The following TIAM2 variants were observed in gnomAD, a reference collection of about 807,000 sequenced individuals.
The protein encoded by TIAM2 is rho guanine nucleotide exchange factor TIAM2.
TIAM2 carries 80 observed loss-of-function variants against 152.9 expected under a neutral mutation model. That is an observed-to-expected ratio of 0.52 (90% CI 0.44 to 0.63). TIAM2 has a LOEUF of 0.63. Ranked by LOEUF, TIAM2 falls within the 30% of genes least tolerant of loss-of-function variation. The pLI is 0.00. For missense variants in TIAM2, 1,965 were observed against 2,120.1 expected, an observed-to-expected ratio of 0.93 and a Z score of 1.44; for synonymous variants, 804 against 838.0, an observed-to-expected ratio of 0.96 and a Z score of 0.70.
At chr6:155,089,473 C>T (rs1336731421) in intron 1 of TIAM2, among the ~76,000 whole-genome samples, 4 of 152,150 alleles carry the variant, frequency 2.6e-5, no homozygotes, top group Non-Finnish European at 5.9e-5. Context: ...TCCCAAAGTG[C>T]TGGGATTATA....
intron 7 of TIAM2, among the ~76,000 whole-genome samples, chr6:155,160,564 T>C (rs1432686190): frequency 6.6e-6 from 1 of 152,146 alleles, no homozygotes; most frequent in Non-Finnish European, 1.5e-5. Context: ...CTCAGGAGTT[T>C]GAGACCAGCC....
intron 1 of TIAM2, among the ~76,000 whole-genome samples, chr6:155,085,278 A>T (rs1778150583): frequency 1.3e-5 from 2 of 152,220 alleles, no homozygotes; most frequent in Admixed American, 1.3e-4. Flanking sequence ...ATACAATTTG[A>T]AGAAGGCATG....
At chr6:155,049,317 C>A (rs976513453) in intron 1 of TIAM2, among the ~76,000 whole-genome samples, 3 of 152,098 alleles carry the variant, frequency 2.0e-5, no homozygotes, top group Non-Finnish European at 4.4e-5. Context: ...TTAATGGCCT[C>A]CGTGGTGGTC....
chr6:155,159,571 C>T (rs1207529401), intron 7 of TIAM2, among the ~76,000 whole-genome samples: 1 of 152,150 alleles, frequency 6.6e-6, no homozygotes, highest in Non-Finnish European at 1.5e-5. Context: ...TACCAAGTCC[C>T]TTGCAATTTC....
intron 1 of TIAM2, among the ~76,000 whole-genome samples, chr6:155,077,282 C>G (rs1040186601): frequency 1.3e-5 from 2 of 151,806 alleles, no homozygotes; most frequent in Non-Finnish European, 2.9e-5. Flanking sequence ...GACTTCCATG[C>G]TAGCCTGGGG....
At chr6:155,117,452 T>C (rs1480056167) in intron 2 of TIAM2, among the ~76,000 whole-genome samples, 1 of 152,198 alleles carries the variant, frequency 6.6e-6, no homozygotes, top group Non-Finnish European at 1.5e-5. Context: ...ATTCTCTCTC[T>C]TCCCCCTGTA....
chr6:155,252,783 T>A (rs1352923626), intron 23 of TIAM2, 165 bp from the exon 24 acceptor site: 1 of 603,894 alleles, frequency 1.7e-6, no homozygotes, highest in East Asian at 2.8e-5. Context: ...ATGTGAGGTC[T>A]TTGAGAACTG....
chr6:155,045,902 A>G (rs1371527042), intron 1 of TIAM2, among the ~76,000 whole-genome samples: 12 of 130,726 alleles, frequency 9.2e-5, no homozygotes, highest in Non-Finnish European at 1.4e-4. Context: ...AGTGGGTACA[A>G]CCTACTGCTG....
In TIAM2 at chr6:155,063,781, CAA is replaced by C. The variant is rs56808026; in HGVS notation, c.-208-26488_-208-26487del. On this transcript the variant is annotated intron_variant, in intron 1 of 26. Transcript: ENST00000682666. ...TGGGCAACAGAGTGAGACTCTGTCT[CAA>C]AAAAAAAAAAAAAAAAAAAGTTATG... Among the ~76,000 whole-genome samples the C allele has an allele frequency of 3.5e-3, 316 of 91,060 alleles. 2 individuals are homozygous for C. Among genetic ancestry groups the C allele is most frequent in the African/African-American group, 0.012 (270 of 22,316 alleles). The allele number at this position is 91,060 out of a possible 152,430, so 59.7% of individuals were successfully genotyped here. A position where few individuals can be genotyped will look rare whatever the true frequency, so the allele number is the denominator to read the frequency against.
intron 14 of TIAM2, among the ~76,000 whole-genome samples, chr6:155,193,895 TG>T (rs1376773743): frequency 6.6e-6 from 1 of 152,250 alleles, no homozygotes; most frequent in African/African-American, 2.4e-5. Flanking sequence ...GCACCATCAG[TG>T]CACATGTCCT....
At chr6:155,063,718 G>A (rs778287763) in intron 1 of TIAM2, among the ~76,000 whole-genome samples, 4 of 137,680 alleles carry the variant, frequency 2.9e-5, no homozygotes, top group African/African-American at 5.5e-5. Flanking sequence ...GGAGGTGGAG[G>A]TTTAAGTGAG....
rs1784156137 is a variant in TIAM2, at chr6:155,257,655, G to A, written c.*534G>A. Reference sequence around the variant, plus strand: ...TACAGTATATATTAAAAGAAAGCTTGTACTGTATCTTATTTGATGATATTT... The same window carrying A: ...TACAGTATATATTAAAAGAAAGCTTATACTGTATCTTATTTGATGATATTT... On this transcript the variant is annotated 3_prime_UTR_variant, in exon 27 of 27. Coordinates refer to ENST00000682666, the MANE Select transcript of TIAM2 (RefSeq NM_012454.4). 4.2e-5 allele frequency: 27 copies of A among 650,348 alleles called. No individual in the cohort carries two copies. In the South Asian group the frequency reaches 4.4e-4, roughly 11 times the overall value. 40.3% of individuals were successfully genotyped at this position (650,348 alleles called of 1,614,324 possible).
chr6:155,197,704 G>C (rs1781378374), intron 14 of TIAM2, among the ~76,000 whole-genome samples: 1 of 151,962 alleles, frequency 6.6e-6, no homozygotes. Flanking sequence ...TCTTCACATG[G>C]CGGCGGCAAG....
Position 155,129,982 on chromosome 6 carries a change from T to G in TIAM2, c.759T>G (p.Pro253=). Residue 253 remains proline (P), a synonymous_variant, in exon 4 of 27, where the codon CCT becomes CCG. Transcript: ENST00000682666. This position sits in a 1 kb window ranked among gnomAD's most constrained non-coding sequence, Gnocchi z 4.8. The stretch of plus-strand genomic sequence containing the variant: ...CTGAGTCATCCTGGTACGACTCCCC[T>G]TGGGGCAATGCTGGAGAGCTGAGCG... The part of the protein sequence containing the change: ...LSSESSWYDS[P]WGNAGELSEA... The G allele has an allele frequency of 6.2e-7, 1 of 1,614,106 alleles. No individual in the cohort carries two copies. The highest frequency in any genetic ancestry group is 1.1e-5 in the South Asian group (1 of 91,076).
At chr6:155,164,964 C>T (rs899450330) in intron 8 of TIAM2, among the ~76,000 whole-genome samples, 2 of 152,124 alleles carry the variant, frequency 1.3e-5, no homozygotes, top group African/African-American at 4.8e-5. Flanking sequence ...AGCGCCCCAT[C>T]AGGTTTTTTG....
At chr6:155,158,726 T>G (rs1780185195) in intron 7 of TIAM2, among the ~76,000 whole-genome samples, 1 of 151,892 alleles carries the variant, frequency 6.6e-6, no homozygotes, top group Non-Finnish European at 1.5e-5. Context: ...TGGCTGAGTT[T>G]TGTGTTTTTT....
intron 1 of TIAM2, among the ~76,000 whole-genome samples, chr6:155,041,586 C>G (rs1777048434): frequency 6.6e-6 from 1 of 152,156 alleles, no homozygotes; most frequent in Admixed American, 6.5e-5. Context: ...AGAAGAAAGT[C>G]TTACAAAAAT....
At chr6:155,130,858 A>T (rs1280407074) in intron 4 of TIAM2, among the ~76,000 whole-genome samples, 1 of 152,126 alleles carries the variant, frequency 6.6e-6, no homozygotes, top group Non-Finnish European at 1.5e-5. Context: ...TCCTCTTCTT[A>T]TAAGGACCCT....
At chr6:155,189,349 C>CTT (rs369463138) in intron 14 of TIAM2, among the ~76,000 whole-genome samples, 1,650 of 145,046 alleles carry the variant, frequency 0.011, 32 homozygotes, top group African/African-American at 0.04. Context: ...ATGAGTGGTA[C>CTT]TTTTTTTTTT....
Sources: allele counts gnomAD v4.1 joint callset (sites outside exome capture counted in the v4.1 genomes callset), GRCh38; gene constraint gnomAD v4.1.1; non-coding constraint Gnocchi (gnomAD v3.1); transcripts MANE v1.5; gene names NCBI Gene and HGNC (gene_info 2026-07-23, HGNC 2026-07-21).